Variants in HS6ST3 observed in about 807,000 individuals in gnomAD.
HS6ST3 encodes heparan-sulfate 6-O-sulfotransferase 3.
Under a neutral mutation model 36.7 loss-of-function variants are expected in HS6ST3, and 12 were observed. The ratio of observed to expected loss-of-function variants is 0.33; its 90% CI spans 0.21 to 0.53. The LOEUF is 0.53. Among genes scored for constraint, HS6ST3 ranks in the 20% least tolerant of loss-of-function variants. The probability of loss-of-function intolerance (pLI) is 0.95; values close to 1 mark genes in which losing one functional copy is unlikely to be tolerated. For missense variants in HS6ST3, 584 were observed against 640.9 expected (o/e 0.91, Z 0.96); for synonymous variants, 240 against 257.5 (o/e 0.93, Z 0.65).
chr13:96,619,511 C>A (rs961689428), intron 1 of HS6ST3, among the ~76,000 whole-genome samples: 29 of 152,114 alleles, frequency 1.9e-4, no homozygotes, highest in African/African-American at 6.8e-4. Flanking sequence ...CCATAGTAAC[C>A]AAATTTTAAT....
At chr13:96,583,236 C>CTTTTTGTT (rs1566403521) in intron 1 of HS6ST3, among the ~76,000 whole-genome samples, 1 of 71,666 alleles carries the variant, frequency 1.4e-5, no homozygotes, top group African/African-American at 6.2e-5. Flanking sequence ...TTTTTTGAGA[C>CTTTTTGTT]GGAGTCTTGC....
chr13:96,594,585 G>A (rs958079482), intron 1 of HS6ST3, among the ~76,000 whole-genome samples: 4 of 152,188 alleles, frequency 2.6e-5, no homozygotes, highest in South Asian at 4.1e-4. Flanking sequence ...ACACACACAC[G>A]TGTACACACA....
chr13:96,822,430 C>T (rs994282747), intron 1 of HS6ST3, among the ~76,000 whole-genome samples: 5 of 152,122 alleles, frequency 3.3e-5, no homozygotes, highest in Admixed American at 1.3e-4. Context: ...AAAAACTAGC[C>T]CCTAGAACAT....
At position 96,837,465 on chromosome 13, in the gene HS6ST3, AG is replaced by A. The variant is rs1177759396; in HGVS notation, c.*4268del. On this transcript the variant is annotated 3_prime_UTR_variant, in exon 2 of 2. Coordinates refer to ENST00000376705, the MANE Select transcript of HS6ST3 (RefSeq NM_153456.4). ...GAGCAAGAAAGTTGCTTAGAGCCCC[AG>A]CCTTTTGACTTCATAGTCTTTCCGA... 2.6e-5 allele frequency: 4 copies of A among 152,232 alleles called. No individual in the cohort carries two copies. The highest frequency in any genetic ancestry group is 9.6e-5 in the African/African-American group (4 of 41,460). 9.4% of individuals were successfully genotyped at this position (152,232 alleles called of 1,614,324 possible).
chr13:96,153,634 C>A (rs544636912), intron 1 of HS6ST3, among the ~76,000 whole-genome samples: 113 of 152,296 alleles, frequency 7.4e-4, no homozygotes, highest in Non-Finnish European at 1.3e-3. Flanking sequence ...CAAAAGTGAG[C>A]AAAGTATTTA....
At chr13:96,431,664 T>C (rs1319812928) in intron 1 of HS6ST3, among the ~76,000 whole-genome samples, 1 of 152,230 alleles carries the variant, frequency 6.6e-6, no homozygotes, top group African/African-American at 2.4e-5. Flanking sequence ...TTCTTTATGC[T>C]CTTGGGCTCT....
intron 1 of HS6ST3, among the ~76,000 whole-genome samples, chr13:96,769,436 T>TC (rs1566449243): frequency 1.2e-5 from 1 of 86,700 alleles, no homozygotes; most frequent in African/African-American, 4.6e-5. Context: ...CCCAATGCTA[T>TC]CCCTCCCCCC....
chr13:96,557,730 C>T (rs775104685), intron 1 of HS6ST3, among the ~76,000 whole-genome samples: 2 of 152,186 alleles, frequency 1.3e-5, no homozygotes, highest in African/African-American at 2.4e-5. Context: ...CATCCTCTAT[C>T]ATGATAATAG....
chr13:96,220,077 C>A (rs546844987), intron 1 of HS6ST3, among the ~76,000 whole-genome samples: 3 of 152,162 alleles, frequency 2.0e-5, no homozygotes, highest in Non-Finnish European at 2.9e-5. Flanking sequence ...ATGTACCAGG[C>A]GGTTTTTTAG....
chr13:96,338,363 G>A (rs2055112349), intron 1 of HS6ST3, among the ~76,000 whole-genome samples: 1 of 152,120 alleles, frequency 6.6e-6, no homozygotes. Context: ...CTAAGGGAAG[G>A]GGACCCTGGG....
intron 1 of HS6ST3, among the ~76,000 whole-genome samples, chr13:96,681,780 C>A (rs1382636159): frequency 6.6e-6 from 1 of 152,086 alleles, no homozygotes; most frequent in South Asian, 2.1e-4. Context: ...AGTTTTTAAA[C>A]CACTAAGTCT....
chr13:96,568,329 C>T (rs1467750439), intron 1 of HS6ST3, among the ~76,000 whole-genome samples: 1 of 152,154 alleles, frequency 6.6e-6, no homozygotes, highest in East Asian at 1.9e-4. Flanking sequence ...TTCAATGGCA[C>T]GATCTCAGCT....
chr13:96,585,644 C>G (rs2056358271), intron 1 of HS6ST3, among the ~76,000 whole-genome samples: 1 of 152,166 alleles, frequency 6.6e-6, no homozygotes, highest in South Asian at 2.1e-4. Context: ...AAACACCATT[C>G]CCTGCTCTCT....
At chr13:96,786,956 G>C (rs528771375) in intron 1 of HS6ST3, among the ~76,000 whole-genome samples, 2 of 152,190 alleles carry the variant, frequency 1.3e-5, no homozygotes, top group South Asian at 4.2e-4. Context: ...TTTTCAGAAT[G>C]TCCTAAATTT....
intron 1 of HS6ST3, among the ~76,000 whole-genome samples, chr13:96,312,471 T>C (rs2054946217): frequency 6.6e-6 from 1 of 152,300 alleles, no homozygotes; most frequent in Non-Finnish European, 1.5e-5. Flanking sequence ...GTTAATTTCA[T>C]TTAAATTGTT....
chr13:96,460,376 A>G (rs1260268580), intron 1 of HS6ST3, among the ~76,000 whole-genome samples: 1 of 152,242 alleles, frequency 6.6e-6, no homozygotes, highest in Non-Finnish European at 1.5e-5. Flanking sequence ...TTTTATATGT[A>G]GGAGAAAAAT....
At chr13:96,495,040 A>G (rs2055967827) in intron 1 of HS6ST3, among the ~76,000 whole-genome samples, 4 of 152,048 alleles carry the variant, frequency 2.6e-5, no homozygotes, top group South Asian at 2.1e-4. Context: ...CTGCCTTCCC[A>G]GATGCTTTTC....
At chr13:96,404,557 G>A (rs543139828) in intron 1 of HS6ST3, among the ~76,000 whole-genome samples, 42 of 152,326 alleles carry the variant, frequency 2.8e-4, no homozygotes, top group African/African-American at 9.9e-4. Context: ...CATGGCAGGA[G>A]AGGAATAGAA....
intron 1 of HS6ST3, among the ~76,000 whole-genome samples, chr13:96,653,033 G>A (rs1166639118): frequency 1.3e-5 from 2 of 152,012 alleles, no homozygotes; most frequent in East Asian, 3.9e-4. Context: ...AAAATGTTTT[G>A]TTTAATGTCA....
Sources: allele counts gnomAD v4.1 joint callset (sites outside exome capture counted in the v4.1 genomes callset), GRCh38; gene constraint gnomAD v4.1.1; transcripts MANE v1.5; gene names NCBI Gene and HGNC (gene_info 2026-07-23, HGNC 2026-07-21).